The following CNTNAP5 variants were observed in gnomAD, a reference collection of about 807,000 sequenced individuals.
CNTNAP5 encodes contactin-associated protein-like 5.
CNTNAP5 carries 72 observed loss-of-function variants against 150.2 expected under a neutral mutation model. The observed-to-expected ratio is 0.48, with a 90% confidence interval of 0.40 to 0.58. CNTNAP5 has a LOEUF of 0.58. CNTNAP5 is among the 20% of genes least tolerant of loss of function. The pLI, the probability that CNTNAP5 is intolerant of heterozygous loss-of-function variation, is 0.00. For synonymous variants in CNTNAP5, 672 were observed against 619.8 expected (o/e 1.08, Z -1.25); for missense variants, 1,636 against 1,626.2 (o/e 1.01, Z -0.10).
intron 1 of CNTNAP5, among the ~76,000 whole-genome samples, chr2:124,191,631 C>T (rs1462912769): frequency 6.6e-5 from 10 of 152,084 alleles, no homozygotes; most frequent in African/African-American, 2.4e-4. Context: ...AACAGACTGG[C>T]CTGGCTGGGC....
chr2:124,804,023 G>A (rs1558782339), intron 19 of CNTNAP5, among the ~76,000 whole-genome samples: 1 of 152,214 alleles, frequency 6.6e-6, no homozygotes, highest in Non-Finnish European at 1.5e-5. Context: ...GACCACTTCA[G>A]TCTCTGGGCT....
chr2:124,683,757 T>A (rs1317282178), intron 13 of CNTNAP5, among the ~76,000 whole-genome samples: 1 of 152,164 alleles, frequency 6.6e-6, no homozygotes, highest in Non-Finnish European at 1.5e-5. Context: ...CACGCTAAGT[T>A]ATATATGTGC....
intron 11 of CNTNAP5, among the ~76,000 whole-genome samples, chr2:124,588,099 C>T (rs1696582740): frequency 2.4e-5 from 1 of 41,608 alleles, no homozygotes; most frequent in African/African-American, 9.3e-5. Flanking sequence ...TCTTTCTTTT[C>T]TTCCTTCCTT....
chr2:124,570,266 T>C (rs1696121160), intron 11 of CNTNAP5, among the ~76,000 whole-genome samples: 1 of 152,054 alleles, frequency 6.6e-6, no homozygotes, highest in Non-Finnish European at 1.5e-5. Context: ...CTTGAGAAAG[T>C]GAGAAAGTGC....
intron 11 of CNTNAP5, among the ~76,000 whole-genome samples, chr2:124,588,176 C>A (rs1186807236): frequency 2.9e-5 from 3 of 103,912 alleles, no homozygotes; most frequent in Non-Finnish European, 6.2e-5. Context: ...TTCCTTCCTT[C>A]CTTCTTTCTT....
intron 3 of CNTNAP5, among the ~76,000 whole-genome samples, chr2:124,244,285 T>C (rs575827306): frequency 6.6e-6 from 1 of 152,172 alleles, no homozygotes. Context: ...AAGGCAGGGA[T>C]CTCTTTATAT....
chr2:124,840,418 T>C (rs1396924382), intron 19 of CNTNAP5, among the ~76,000 whole-genome samples: 1 of 152,114 alleles, frequency 6.6e-6, no homozygotes, highest in Non-Finnish European at 1.5e-5. Context: ...GAATATTTTC[T>C]CTGGGTCATG....
intron 3 of CNTNAP5, among the ~76,000 whole-genome samples, chr2:124,372,561 T>C (rs1370812550): frequency 6.6e-6 from 1 of 152,126 alleles, no homozygotes; most frequent in Non-Finnish European, 1.5e-5. Flanking sequence ...CAGTGATTTG[T>C]AGCCAACTTC....
intron 3 of CNTNAP5, among the ~76,000 whole-genome samples, chr2:124,248,221 T>C (rs945566918): frequency 1.1e-4 from 17 of 152,190 alleles, no homozygotes; most frequent in African/African-American, 4.1e-4. Flanking sequence ...AGCAGGTCTT[T>C]CTCCCTACCC....
Position 124,598,965 on chromosome 2 carries a change from G to A in CNTNAP5, c.1757-10836G>A, listed in dbSNP as rs866548555. Among the ~76,000 whole-genome samples, 753 of 152,008 alleles carry A rather than the reference G, an allele frequency of 5.0e-3. 4 individuals are homozygous for A. The highest frequency in any genetic ancestry group is 0.017 in the African/African-American group (717 of 41,426). Reference sequence around the variant, plus strand: ...GAAAGGGAACTCCCTGACCCCTTGCGCTTCCCAGGTGAGGCAATGCCTCGC... The same window carrying A: ...GAAAGGGAACTCCCTGACCCCTTGCACTTCCCAGGTGAGGCAATGCCTCGC... On this transcript the variant is annotated intron_variant, in intron 11 of 23. Coordinates refer to ENST00000682447, the MANE Select transcript of CNTNAP5 (RefSeq NM_001367498.1).
At chr2:124,272,448 C>G (rs973975797) in intron 3 of CNTNAP5, among the ~76,000 whole-genome samples, 2 of 152,130 alleles carry the variant, frequency 1.3e-5, no homozygotes, top group Admixed American at 6.6e-5. Context: ...GAAAGGGAAT[C>G]TGAAGCCTGA....
chr2:124,356,306 CT>C (rs201900685), intron 3 of CNTNAP5, among the ~76,000 whole-genome samples: 22,966 of 139,830 alleles, frequency 0.16, 1,634 homozygotes, highest in East Asian at 0.19. Context: ...ACCTCAACAT[CT>C]TTTTTTTTTT....
At chr2:124,435,022 A>C (rs1442245581) in intron 5 of CNTNAP5, among the ~76,000 whole-genome samples, 1 of 152,178 alleles carries the variant, frequency 6.6e-6, no homozygotes, top group Non-Finnish European at 1.5e-5. Context: ...AATCTATGCT[A>C]TTAGGTACAT....
chr2:124,681,301 C>CA (rs70996097), intron 13 of CNTNAP5, among the ~76,000 whole-genome samples: 29,910 of 72,016 alleles, frequency 0.42, 5,075 homozygotes, highest in Non-Finnish European at 0.46. Context: ...GACTCCATCT[C>CA]AAAAAAAAAA....
chr2:124,669,688 A>G (rs1381276689), intron 13 of CNTNAP5, among the ~76,000 whole-genome samples: 1 of 152,236 alleles, frequency 6.6e-6, no homozygotes, highest in African/African-American at 2.4e-5. Flanking sequence ...CTCTTCCAGC[A>G]TTCTTTCCCA....
At chr2:124,191,209 A>G (rs1019776820) in intron 1 of CNTNAP5, among the ~76,000 whole-genome samples, 1 of 152,168 alleles carries the variant, frequency 6.6e-6, no homozygotes, top group Non-Finnish European at 1.5e-5. Flanking sequence ...TACCCATCTC[A>G]TCAGGCCAAC....
chr2:124,716,887 A>G (rs115396790), intron 13 of CNTNAP5, among the ~76,000 whole-genome samples: 6,579 of 152,210 alleles, frequency 0.043, 501 homozygotes, highest in African/African-American at 0.15. Context: ...TCATCCTGCC[A>G]TAACATCGGG....
chr2:124,052,883 C>A (rs1199408369), intron 1 of CNTNAP5, among the ~76,000 whole-genome samples: 2 of 152,160 alleles, frequency 1.3e-5, no homozygotes, highest in African/African-American at 2.4e-5. Flanking sequence ...TTTGTGCCCT[C>A]CTTTGCTAAT....
intron 10 of CNTNAP5, among the ~76,000 whole-genome samples, chr2:124,530,396 C>A (rs73956312): frequency 0.16 from 23,770 of 152,190 alleles, 2,325 homozygotes; most frequent in East Asian, 0.42. Context: ...TCAAGAGCTC[C>A]CTCCGGTGGA....
Sources: gnomAD v4.1 joint callset for allele counts (sites outside exome capture counted in the v4.1 genomes callset) on GRCh38, gnomAD v4.1.1 for gene constraint, MANE v1.5 for transcripts, NCBI Gene and HGNC (gene_info 2026-07-23, HGNC 2026-07-21) for gene names.